PIK3R3: variants seen among roughly 807,000 people sequenced by gnomAD.
PIK3R3 encodes the protein phosphoinositide-3-kinase regulatory subunit 3, also known as phosphatidylinositol 3-kinase regulatory subunit gamma.
Under a neutral mutation model 62.9 loss-of-function variants are expected in PIK3R3, and 64 were observed. That is an observed-to-expected ratio of 1.02 (90% CI 0.83 to 1.25). The LOEUF is 1.25. Ranked by LOEUF, PIK3R3 falls within the 50% of genes most tolerant of loss-of-function variation. The pLI, the probability that PIK3R3 is intolerant of heterozygous loss-of-function variation, is 0.00. For missense variants in PIK3R3, 614 were observed against 561.6 expected (o/e 1.09, Z -0.94); for synonymous variants, 165 against 189.0 (o/e 0.87, Z 1.04).
chr1:46,126,354 A>C (rs928269174), intron 1 of PIK3R3, among the ~76,000 whole-genome samples: 1 of 151,530 alleles, frequency 6.6e-6, no homozygotes, highest in Non-Finnish European at 1.5e-5. Flanking sequence ...CCTGGCCAAC[A>C]TGATAAAACC....
intron 5 of PIK3R3, among the ~76,000 whole-genome samples, chr1:46,062,512 T>A (rs866805326): frequency 1.2e-4 from 18 of 152,092 alleles, no homozygotes; most frequent in Non-Finnish European, 2.2e-4. Flanking sequence ...AAGGCAGAGG[T>A]TGCAGTGAGC....
In PIK3R3 at chr1:46,132,362, C is replaced by T; in HGVS notation, c.-410G>A. 1 of 1,120,330 alleles carries T rather than the reference C, an allele frequency of 8.9e-7. No homozygotes were observed. The highest frequency in any genetic ancestry group is 1.1e-6 in the Non-Finnish European group (1 of 907,918). The allele number at this position is 1,120,330 out of a possible 1,614,324, so 69.4% of individuals were successfully genotyped here. A position where few individuals can be genotyped will look rare whatever the true frequency, so the allele number is the denominator to read the frequency against. On this transcript the variant is annotated 5_prime_UTR_variant, in exon 1 of 10. It adds an upstream start codon to the 5' untranslated region. Transcript: ENST00000262741. ...AGAATGAAGAGGAAAAAAAAGAACA[C>T]GTTGGGAGAAACCCGGGCAAGTGAC...
intron 1 of PIK3R3, among the ~76,000 whole-genome samples, chr1:46,123,819 C>T (rs894267677): frequency 6.6e-6 from 1 of 152,202 alleles, no homozygotes; most frequent in Non-Finnish European, 1.5e-5. Context: ...TAACATAGTG[C>T]TTGGACTATA....
chr1:46,132,792 T>A, upstream of PIK3R3: 4 of 1,263,768 alleles, frequency 3.2e-6, no homozygotes, highest in Non-Finnish European at 4.1e-6. Flanking sequence ...ACCGGGATTC[T>A]GTCAAGTGCC....
chr1:46,071,730 T>TAGAG lies in PIK3R3; in HGVS notation c.315-4643_315-4640dup, dbSNP rs140765040. Among the ~76,000 whole-genome samples the TAGAG allele has an allele frequency of 5.2e-4, 31 of 59,060 alleles. 1 individual carries two copies. Among genetic ancestry groups the TAGAG allele is most frequent in the African/African-American group, 1.3e-3 (16 of 12,682 alleles). 38.7% of individuals were successfully genotyped at this position (59,060 alleles called of 152,430 possible). On this transcript the variant is annotated intron_variant, in intron 3 of 9. Coordinates refer to ENST00000262741, the MANE Select transcript of PIK3R3 (RefSeq NM_003629.4). ...AAAAAAAAATATATATATATATATA[T>TAGAG]AGAGAGAGAGAGAGAGAGAGAGAGA...
chr1:46,073,770 C>A (rs1649764904), intron 3 of PIK3R3, among the ~76,000 whole-genome samples: 2 of 149,166 alleles, frequency 1.3e-5, no homozygotes, highest in Admixed American at 6.8e-5. Context: ...TAGGCGCATG[C>A]CACCACATTC....
chr1:46,093,664 C>T (rs575780638), intron 1 of PIK3R3, among the ~76,000 whole-genome samples: 4 of 151,970 alleles, frequency 2.6e-5, no homozygotes, highest in Admixed American at 2.6e-4. Flanking sequence ...CCTACGCGGG[C>T]AGATCACTTG....
At chr1:46,138,925 G>A in the PIK3R3 span, 1 of 152,220 alleles carries the variant, frequency 6.6e-6, no homozygotes, top group African/African-American at 2.4e-5. Flanking sequence ...GACATTCGGT[G>A]AAGATCACTA....
intron 2 of PIK3R3, among the ~76,000 whole-genome samples, chr1:46,078,531 G>A (rs1443052194): frequency 6.6e-6 from 1 of 152,052 alleles, no homozygotes; most frequent in Admixed American, 6.6e-5. Flanking sequence ...GACTGAACGA[G>A]ACTCTATCTC....
At chr1:46,167,578 C>A in the PIK3R3 span, among the ~76,000 whole-genome samples, 1 of 152,172 alleles carries the variant, frequency 6.6e-6, no homozygotes. Flanking sequence ...GCCCCCACCT[C>A]TACTGTTAAG....
chr1:46,097,034 T>C (rs1009706737), intron 1 of PIK3R3, among the ~76,000 whole-genome samples: 10 of 150,088 alleles, frequency 6.7e-5, no homozygotes, highest in Non-Finnish European at 1.0e-4. Flanking sequence ...ATATCCTTTA[T>C]GAACACGGAC....
intron 1 of PIK3R3, among the ~76,000 whole-genome samples, chr1:46,103,218 T>A (rs181557523): frequency 6.6e-6 from 1 of 152,152 alleles, no homozygotes; most frequent in Non-Finnish European, 1.5e-5. Flanking sequence ...ATGTGCAAGA[T>A]GAAATCTGGA....
chr1:46,087,592 C>CTTTTTTTTTTTT (rs35296719), intron 1 of PIK3R3, among the ~76,000 whole-genome samples: 5 of 100,358 alleles, frequency 5.0e-5, no homozygotes, highest in Non-Finnish European at 7.7e-5. Flanking sequence ...ACATATTCAT[C>CTTTTTTTTTTTT]TTTTTTTTTT....
intron 1 of PIK3R3, among the ~76,000 whole-genome samples, chr1:46,125,520 G>A (rs1363210291): frequency 6.6e-6 from 1 of 152,146 alleles, no homozygotes. Flanking sequence ...TTTATTCTAT[G>A]TAGCTCTCAG....
chr1:46,046,600 G>T lies in PIK3R3; in HGVS notation c.967C>A (p.Gln323Lys). The T allele has an allele frequency of 6.2e-7, 1 of 1,613,474 alleles. No individual in the cohort carries two copies. The highest frequency in any genetic ancestry group is 8.5e-7 in the Non-Finnish European group (1 of 1,179,442). ...CCCAGCCAGACATTCAGGCGTTTCT[G>T]TCTCACTCCTTTGTGATTGAGCCAT... is the stretch of plus-strand genomic sequence containing the variant. The part of the protein sequence containing the change: ...LVWLNHKGVR[Q>K]KRLNVWLGIK... Residue 323 changes from glutamine to lysine, a missense_variant, in exon 8 of 10, where the codon CAG becomes AAG. Gln to Lys is a moderately conservative substitution (Grantham distance 53, BLOSUM62 1). Coordinates refer to ENST00000262741, the MANE Select transcript of PIK3R3 (RefSeq NM_003629.4).
chr1:46,119,868 C>T (rs571020576), intron 1 of PIK3R3, among the ~76,000 whole-genome samples: 1 of 151,158 alleles, frequency 6.6e-6, no homozygotes, highest in African/African-American at 2.4e-5. Flanking sequence ...GCCTCGACTT[C>T]CAGGGCTCAA....
At chr1:46,099,432 CT>C (rs999575083) in intron 1 of PIK3R3, among the ~76,000 whole-genome samples, 3 of 152,166 alleles carry the variant, frequency 2.0e-5, no homozygotes, top group Non-Finnish European at 4.4e-5. Context: ...TCCACCACTG[CT>C]TTTTACCCCT....
chr1:46,043,848 C>T lies in PIK3R3; in HGVS notation c.1211G>A (p.Cys404Tyr), dbSNP rs766374291. Residue 404 changes from cysteine (C) to tyrosine (Y), a missense_variant, in exon 10 of 10, where the codon TGT becomes TAT. Coordinates refer to ENST00000262741, the MANE Select transcript of PIK3R3 (RefSeq NM_003629.4). Reference sequence around the variant, plus strand: ...GCCCCGAGCAGTGCTGTAGATCACACAGTGCTTCACTTCCCCATCGGCCCT... The same window carrying T: ...GCCCCGAGCAGTGCTGTAGATCACATAGTGCTTCACTTCCCCATCGGCCCT... ...SVVADGEVKH[C>Y]VIYSTARGYG... 1.2e-6 allele frequency: 2 copies of T among 1,613,724 alleles called. No homozygotes were observed. Among genetic ancestry groups the T allele is most frequent in the Non-Finnish European group, 1.7e-6 (2 of 1,179,874 alleles).
chr1:46,153,075 A>G, the PIK3R3 span, among the ~76,000 whole-genome samples: 1 of 152,182 alleles, frequency 6.6e-6, no homozygotes, highest in African/African-American at 2.4e-5. Flanking sequence ...TTCCAATGTT[A>G]TCTTCATCCT....
Sources: allele counts gnomAD v4.1 joint callset (sites outside exome capture counted in the v4.1 genomes callset), GRCh38; gene constraint gnomAD v4.1.1; transcripts MANE v1.5; gene names NCBI Gene and HGNC (gene_info 2026-07-23, HGNC 2026-07-21).